The following PRSS12 variants were observed in gnomAD, a reference collection of about 807,000 sequenced individuals.
The protein encoded by PRSS12 is serine protease 12.
A neutral mutation model predicts 104.4 loss-of-function variants in PRSS12; 85 were observed. That is an observed-to-expected ratio of 0.81 (90% CI 0.68 to 0.98). The LOEUF (loss-of-function observed/expected upper bound fraction) is 0.98. Ranked by LOEUF, PRSS12 falls within the 50% of genes least tolerant of loss-of-function variation. The pLI, the probability that PRSS12 is intolerant of heterozygous loss-of-function variation, is 0.00. For synonymous variants in PRSS12, 454 were observed against 425.2 expected (o/e 1.07, Z -0.83); for missense variants, 1,141 against 1,139.2 (o/e 1.00, Z -0.02).
chr4:118,302,551 C>T (rs941803548), intron 8 of PRSS12, among the ~76,000 whole-genome samples: 5 of 152,132 alleles, frequency 3.3e-5, no homozygotes, highest in Admixed American at 6.5e-5. Context: ...CTCAGCCTCC[C>T]GAGCGGCTGG....
chr4:118,304,168 GTATGTGTGTATGTGTGCATA>G (rs1159206436), intron 8 of PRSS12, among the ~76,000 whole-genome samples: 2 of 151,600 alleles, frequency 1.3e-5, no homozygotes, highest in Non-Finnish European at 2.9e-5. Context: ...ATGTGTATAT[GTATGTGTGTATGTGTGCATA>G]TATGTGTGTG....
intron 1 of PRSS12, among the ~76,000 whole-genome samples, chr4:118,346,599 G>A (rs1364701190): frequency 6.6e-6 from 1 of 151,840 alleles, no homozygotes; most frequent in Non-Finnish European, 1.5e-5. Flanking sequence ...CTTTTACATA[G>A]GTTATCTTAT....
chr4:118,296,059 T>C (rs2126028422), intron 9 of PRSS12, among the ~76,000 whole-genome samples: 1 of 152,370 alleles, frequency 6.6e-6, no homozygotes, highest in South Asian at 2.1e-4. Flanking sequence ...ATTATGAGGT[T>C]TCCCATTCTT....
Position 118,283,131 on chromosome 4 carries a change from A to T in PRSS12, c.2040-20T>A, listed in dbSNP as rs1209599585. ...CCATACCTGAGAGGCAGAGAGTACT[A>T]ATGAGAGACTTGCTTCAGATACTGA... On this transcript the variant is annotated intron_variant, in intron 11 of 12. Transcript: ENST00000296498. 1.9e-6 allele frequency: 3 copies of T among 1,613,350 alleles called. No individual in the cohort carries two copies. The highest frequency in any genetic ancestry group is 2.5e-6 in the Non-Finnish European group (3 of 1,179,294).
rs1743222442 is a variant in PRSS12 at position 118,295,028 on chromosome 4, C to T, written c.1950G>A (p.Leu650=). ...GGWPWQVSLR[L]KSSHGDGRLL... Reference sequence around the variant, plus strand: ...GCCTGCCATCTCCATGGGATGACTTCAGCCGGAGGGAAACCTGCCAAGGCC... The same window carrying T: ...GCCTGCCATCTCCATGGGATGACTTTAGCCGGAGGGAAACCTGCCAAGGCC... The change falls in exon 11 of 13, where the codon CTG becomes CTA. Residue 650 remains leucine, a synonymous_variant. Coordinates refer to ENST00000296498, the MANE Select transcript of PRSS12 (RefSeq NM_003619.4). 6.2e-7 allele frequency: 1 copy of T among 1,614,006 alleles called. No individual in the cohort carries two copies. The highest frequency in any genetic ancestry group is 1.3e-5 in the African/African-American group (1 of 74,946).
intron 1 of PRSS12, among the ~76,000 whole-genome samples, chr4:118,346,172 G>A (rs1724348696): frequency 6.6e-6 from 1 of 152,166 alleles, no homozygotes; most frequent in Non-Finnish European, 1.5e-5. Context: ...GAAGAGGATA[G>A]AGGAGCCAAG....
Position 118,352,925 on chromosome 4 carries a change from G to T in PRSS12, c.-205C>A. On this transcript the variant is annotated 5_prime_UTR_variant, in exon 1 of 13. Coordinates refer to ENST00000296498, the MANE Select transcript of PRSS12 (RefSeq NM_003619.4). ...CCTCGGCTCCTGTCCCCTGGCGGCGGCCGCGGGTGGGGAAATCTGGAGCTC... is the reference window on the plus strand; with the variant it reads ...CCTCGGCTCCTGTCCCCTGGCGGCGTCCGCGGGTGGGGAAATCTGGAGCTC... 7.6e-7 allele frequency: 1 copy of T among 1,315,324 alleles called. No individual in the cohort carries two copies. The highest frequency in any genetic ancestry group is 9.8e-7 in the Non-Finnish European group (1 of 1,016,896). The allele number at this position is 1,315,324 out of a possible 1,614,324, so 81.5% of individuals were successfully genotyped here. A position where few individuals can be genotyped will look rare whatever the true frequency, so the allele number is the denominator to read the frequency against.
intron 1 of PRSS12, among the ~76,000 whole-genome samples, chr4:118,349,121 G>C (rs1234193585): frequency 2.0e-5 from 3 of 152,110 alleles, no homozygotes; most frequent in African/African-American, 7.2e-5. Context: ...CTTCACCATG[G>C]AGACACCAAC....
chr4:118,303,851 C>T (rs1041267220), intron 8 of PRSS12: 9 of 152,028 alleles, frequency 5.9e-5, no homozygotes, highest in Admixed American at 4.6e-4. Context: ...AATCCTACCG[C>T]AGTGCATTCC....
rs537025208 is a variant in PRSS12 at position 118,310,572 on chromosome 4, T to A, written c.1490-1995A>T. On this transcript the variant is annotated intron_variant, in intron 7 of 12. Coordinates refer to ENST00000296498, the MANE Select transcript of PRSS12 (RefSeq NM_003619.4). Reference sequence around the variant, plus strand: ...TACATAGCATGTTTTATTTCCAAAATCTTAAATATATAAAGTTTTTGGAAA... The same window carrying A: ...TACATAGCATGTTTTATTTCCAAAAACTTAAATATATAAAGTTTTTGGAAA... 1.2e-4 allele frequency among the ~76,000 whole-genome samples: 19 copies of A among 152,316 alleles called. No individual in the cohort carries two copies. The South Asian group carries it at 3.9e-3, about 32-fold the overall frequency.
chr4:118,316,837 A>ATATATAT (rs768370790), intron 5 of PRSS12, among the ~76,000 whole-genome samples: 5 of 99,188 alleles, frequency 5.0e-5, no homozygotes, highest in African/African-American at 1.0e-4. Flanking sequence ...AAAAAAAAAA[A>ATATATAT]ATATATATAT....
chr4:118,306,400 T>C (rs1743554147), intron 8 of PRSS12, among the ~76,000 whole-genome samples: 1 of 152,214 alleles, frequency 6.6e-6, no homozygotes, highest in African/African-American at 2.4e-5. Flanking sequence ...AATTGGCTCA[T>C]AGTTCTACAG....
chr4:118,345,700 C>T (rs916918162), intron 1 of PRSS12, among the ~76,000 whole-genome samples: 1 of 152,052 alleles, frequency 6.6e-6, no homozygotes, highest in Non-Finnish European at 1.5e-5. Flanking sequence ...GCTTTGTCAA[C>T]CAAACCAGAG....
chr4:118,335,714 T>A (rs1229861113), intron 2 of PRSS12, 63 bp from the exon 3 acceptor site: 1 of 1,475,080 alleles, frequency 6.8e-7, no homozygotes, highest in Non-Finnish European at 9.5e-7. Context: ...ATCAAAACAT[T>A]TGGATTTGAA....
intron 4 of PRSS12, among the ~76,000 whole-genome samples, chr4:118,329,501 GAA>G (rs1723864588): frequency 6.6e-6 from 1 of 152,120 alleles, no homozygotes; most frequent in African/African-American, 2.4e-5. Context: ...ATAACCCAGT[GAA>G]TACATATATG....
intron 1 of PRSS12, among the ~76,000 whole-genome samples, chr4:118,349,064 T>A: frequency 6.6e-6 from 1 of 151,632 alleles, no homozygotes; most frequent in Non-Finnish European, 1.5e-5. Flanking sequence ...CAGCCCTGGC[T>A]CACCTGAGGT....
At position 118,352,271 on chromosome 4, in the gene PRSS12, G is replaced by A. The variant is rs267599998; in HGVS notation, c.450C>T (p.Phe150=). ...CCACCTTGCCACGGGCGTCTCCGTA[G>A]AAACACCAGGGTCTGCCCGCGCCGT... ...SPDGAGRPWC[F]YGDARGKVDW... is the part of the protein sequence containing the mutation. The change falls in exon 1 of 13, where the codon TTC becomes TTT. Residue 150 remains phenylalanine, a synonymous_variant. Coordinates refer to ENST00000296498, the MANE Select transcript of PRSS12 (RefSeq NM_003619.4). 6.2e-7 allele frequency: 1 copy of A among 1,610,946 alleles called. No homozygotes were observed.
At chr4:118,286,603 G>C (rs1050029092) in intron 11 of PRSS12, among the ~76,000 whole-genome samples, 1 of 152,138 alleles carries the variant, frequency 6.6e-6, no homozygotes, top group African/African-American at 2.4e-5. Context: ...TTAGCACCCA[G>C]CAAAGTGCTT....
chr4:118,337,858 T>C (rs945763427), intron 2 of PRSS12, among the ~76,000 whole-genome samples: 4 of 152,128 alleles, frequency 2.6e-5, no homozygotes, highest in Admixed American at 2.0e-4. Flanking sequence ...ATTCTTAGAA[T>C]TTGTAAAGGC....
Sources: gnomAD v4.1 joint callset for allele counts (sites outside exome capture counted in the v4.1 genomes callset) on GRCh38, gnomAD v4.1.1 for gene constraint, MANE v1.5 for transcripts, NCBI Gene and HGNC (gene_info 2026-07-23, HGNC 2026-07-21) for gene names.